Variants in DNAH6 observed in about 807,000 individuals in gnomAD.
The protein encoded by DNAH6 is dynein axonemal heavy chain 6, also known as axonemal beta dynein heavy chain 6.
Under a neutral mutation model 491.4 loss-of-function variants are expected in DNAH6, and 340 were observed. The ratio of observed to expected loss-of-function variants is 0.69; its 90% CI spans 0.63 to 0.76. DNAH6 has a LOEUF of 0.76. DNAH6 is among the 30% of genes least tolerant of loss of function. DNAH6 has a pLI of 0.00. For synonymous variants in DNAH6, 1,603 were observed against 1,686.1 expected (o/e 0.95, Z 1.21); for missense variants, 4,443 against 4,972.2 (o/e 0.89, Z 3.20).
intron 29 of DNAH6, 84 bp from the exon 30 acceptor site, chr2:84,634,420 T>C (rs1268851911): frequency 3.0e-6 from 4 of 1,325,532 alleles, no homozygotes; most frequent in Non-Finnish European, 3.9e-6. Context: ...ACCTCTTTTT[T>C]CTTTAATATT....
At chr2:84,510,346 C>T in the DNAH6 span, among the ~76,000 whole-genome samples, 2 of 152,220 alleles carry the variant, frequency 1.3e-5, no homozygotes, top group South Asian at 4.1e-4. Flanking sequence ...CACTGATACC[C>T]TTTCTTCCAG....
chr2:84,477,549 G>A, the DNAH6 span, among the ~76,000 whole-genome samples: 2 of 152,150 alleles, frequency 1.3e-5, no homozygotes, highest in Non-Finnish European at 2.9e-5. Flanking sequence ...GGGATGGGGG[G>A]ATAGCACCTA....
intron 18 of DNAH6, among the ~76,000 whole-genome samples, chr2:84,600,288 C>A (rs912036995): frequency 1.3e-5 from 2 of 152,072 alleles, no homozygotes; most frequent in African/African-American, 4.8e-5. Context: ...CCAAGGGTTC[C>A]CATATACTCC....
At chr2:84,554,426 G>C (rs1242170535) in intron 10 of DNAH6, among the ~76,000 whole-genome samples, 2 of 152,244 alleles carry the variant, frequency 1.3e-5, no homozygotes, top group Middle Eastern at 3.4e-3. Flanking sequence ...TACTACATTT[G>C]CATAGGTGCA....
intron 21 of DNAH6, among the ~76,000 whole-genome samples, chr2:84,609,490 G>T (rs1236832830): frequency 1.3e-5 from 2 of 152,014 alleles, no homozygotes; most frequent in African/African-American, 2.4e-5. Context: ...ATAACAGGGG[G>T]CACGGAGGAG....
At chr2:84,555,504 A>G (rs1008871388) in intron 10 of DNAH6, among the ~76,000 whole-genome samples, 13 of 152,158 alleles carry the variant, frequency 8.5e-5, no homozygotes, top group Non-Finnish European at 4.4e-5. Flanking sequence ...TTCACACCCT[A>G]CAGTTCTTTC....
Position 84,557,874 on chromosome 2 carries a change from C to G in DNAH6, c.1742C>G (p.Pro581Arg), listed in dbSNP as rs896640864. 2 of 1,612,238 alleles carry G rather than the reference C, an allele frequency of 1.2e-6. No homozygotes were observed. Among genetic ancestry groups the G allele is most frequent in the African/African-American group, 2.7e-5 (2 of 74,708 alleles). ...KLEGKTCGTG[P>R]SLAAVFEDDK... is the part of the protein sequence containing the mutation. Reference sequence around the variant, plus strand: ...GAAGGAAAAACCTGTGGAACTGGGCCAAGTTTAGCAGCAGTATTTGAGGAT... The same window carrying G: ...GAAGGAAAAACCTGTGGAACTGGGCGAAGTTTAGCAGCAGTATTTGAGGAT... Residue 581 changes from proline (P) to arginine (R), a missense_variant, in exon 11 of 77, where the codon CCA becomes CGA. Physicochemically the swap from Pro to Arg is moderately radical, Grantham distance 103. Transcript: ENST00000389394.
the DNAH6 span, among the ~76,000 whole-genome samples, chr2:84,468,993 G>A: frequency 1.3e-5 from 2 of 152,128 alleles, no homozygotes; most frequent in African/African-American, 4.8e-5. Context: ...TTGTTGGGTT[G>A]TCTTGAAAAG....
chr2:84,635,426 C>T (rs1688789637), intron 30 of DNAH6, among the ~76,000 whole-genome samples: 1 of 152,174 alleles, frequency 6.6e-6, no homozygotes, highest in Non-Finnish European at 1.5e-5. Context: ...AATTATTAGA[C>T]TCTAAAGTCT....
intron 29 of DNAH6, among the ~76,000 whole-genome samples, chr2:84,627,374 A>G (rs534909739): frequency 2.0e-5 from 3 of 152,266 alleles, no homozygotes; most frequent in South Asian, 4.1e-4. Context: ...AAGTTTATAA[A>G]TATTCTGTCT....
chr2:84,691,850 G>C (rs1460396009), intron 45 of DNAH6, among the ~76,000 whole-genome samples: 1 of 152,096 alleles, frequency 6.6e-6, no homozygotes, highest in African/African-American at 2.4e-5. Flanking sequence ...AAACCACATT[G>C]TTAAGGGGCA....
intron 74 of DNAH6, among the ~76,000 whole-genome samples, chr2:84,813,423 C>T (rs1420908234): frequency 6.6e-6 from 1 of 152,192 alleles, no homozygotes; most frequent in Non-Finnish European, 1.5e-5. Flanking sequence ...ATGACCCACG[C>T]TCAAGGGCAT....
intron 41 of DNAH6, among the ~76,000 whole-genome samples, 168 bp downstream of exon 41, chr2:84,677,304 T>C (rs1693337441): frequency 1.3e-5 from 2 of 152,194 alleles, no homozygotes; most frequent in Admixed American, 1.3e-4. Flanking sequence ...TGGCAGGCAT[T>C]TGCATCACTG....
rs1399950111 is a variant in DNAH6 at position 84,686,555 on chromosome 2, A to G, written c.7135A>G (p.Lys2379Glu). ...GCCCATCATATTTGGAGATTTCATT[A>G]AGGCAAGTATGTTAGATTGACTTGA... is the stretch of plus-strand genomic sequence containing the variant. ...NKPIIFGDFI[K>E]FGADKADRIY... Residue 2379 changes from lysine to glutamate, a missense_variant and splice_region_variant, in exon 44 of 77, where the codon AAG becomes GAG. Physicochemically the swap from Lys to Glu is moderately conservative, Grantham distance 56. Around this residue, in one of 3 missense-constraint regions of DNAH6, gnomAD observed 2,977 missense variants for 3,296.6 expected, o/e 0.90. Transcript: ENST00000389394. 1.3e-6 allele frequency: 2 copies of G among 1,497,030 alleles called. No individual in the cohort carries two copies. The highest frequency in any genetic ancestry group is 1.4e-5 in the African/African-American group (1 of 71,948). 92.7% of individuals were successfully genotyped at this position (1,497,030 alleles called of 1,614,324 possible).
At chr2:84,618,080 T>C (rs1170014494) in intron 23 of DNAH6, among the ~76,000 whole-genome samples, 1 of 152,094 alleles carries the variant, frequency 6.6e-6, no homozygotes, top group Non-Finnish European at 1.5e-5. Flanking sequence ...AACATCTAGT[T>C]ATATTACTTG....
At chr2:84,635,284 G>C (rs941338645) in intron 30 of DNAH6, among the ~76,000 whole-genome samples, 2 of 152,164 alleles carry the variant, frequency 1.3e-5, no homozygotes, top group African/African-American at 2.4e-5. Flanking sequence ...CTACTAAATT[G>C]TGTAAGTCAT....
intron 33 of DNAH6, among the ~76,000 whole-genome samples, chr2:84,645,248 T>C (rs1012733459): frequency 1.3e-5 from 2 of 152,032 alleles, no homozygotes; most frequent in African/African-American, 4.8e-5. Flanking sequence ...GGTGAAACCC[T>C]GTCTGTACTA....
the DNAH6 span, among the ~76,000 whole-genome samples, chr2:84,467,619 A>G: frequency 2.0e-5 from 3 of 152,226 alleles, no homozygotes; most frequent in East Asian, 5.8e-4. Context: ...TTTGAATTGT[A>G]CAACATTTCT....
At chr2:84,497,777 G>A in the DNAH6 span, among the ~76,000 whole-genome samples, 3 of 152,152 alleles carry the variant, frequency 2.0e-5, no homozygotes. Context: ...AATAACCAAA[G>A]GCCTAACATT....
Sources: gnomAD v4.1 joint callset for allele counts (sites outside exome capture counted in the v4.1 genomes callset) on GRCh38, gnomAD v4.1.1 for gene constraint, gnomAD v4.1.1 regional missense constraint, MANE v1.5 for transcripts, NCBI Gene and HGNC (gene_info 2026-07-23, HGNC 2026-07-21) for gene names.